CRYBG1: variants seen among roughly 807,000 people sequenced by gnomAD.
CRYBG1 encodes crystallin beta-gamma domain containing 1.
A neutral mutation model predicts 189.2 loss-of-function variants in CRYBG1; 139 were observed. That is an observed-to-expected ratio of 0.73 (90% CI 0.64 to 0.85). The LOEUF (loss-of-function observed/expected upper bound fraction) is 0.85, where lower values mean the gene tolerates loss of function less well. Among genes scored for constraint, CRYBG1 ranks in the 40% least tolerant of loss-of-function variants. CRYBG1 has a pLI of 0.00. For missense variants in CRYBG1, 2,611 were observed against 2,675.8 expected (o/e 0.98, Z 0.53); for synonymous variants, 1,023 against 1,017.1 (o/e 1.01, Z -0.11).
rs779999459 is a variant in CRYBG1 at position 106,512,381 on chromosome 6, AG to A, written c.1269del (p.Ser424ArgfsTer44). ...CAGCGGCCGTAGGTCGGGGAGGCGGAGGGGGTCGCAGAAATCCACCGACTCC... is the reference window on the plus strand; with the variant it reads ...CAGCGGCCGTAGGTCGGGGAGGCGGAGGGGTCGCAGAAATCCACCGACTCC... ...RSSGRRSGRR[R>X]GSQKSTDSPG... On this transcript the variant is annotated frameshift_variant, in exon 3 of 22. Transcript: ENST00000633556. LOFTEE classifies it high-confidence loss of function. The A allele has an allele frequency of 1.2e-6, 2 of 1,610,656 alleles. No homozygotes were observed. Among genetic ancestry groups the A allele is most frequent in the Admixed American group, 1.7e-5 (1 of 59,798 alleles).
At chr6:106,565,558 A>T (rs1774858943) in intron 21 of CRYBG1, among the ~76,000 whole-genome samples, 1 of 152,196 alleles carries the variant, frequency 6.6e-6, no homozygotes, top group Non-Finnish European at 1.5e-5. Flanking sequence ...GCTCAGAAGC[A>T]AACAATGCCT....
At chr6:106,422,340 A>ATTTTTTTTTTTTTTTTTTTT (rs747540246) in intron 1 of CRYBG1, among the ~76,000 whole-genome samples, 5 of 68,282 alleles carry the variant, frequency 7.3e-5, no homozygotes, top group African/African-American at 2.3e-4. Flanking sequence ...TTATTTATTT[A>ATTTTTTTTTTTTTTTTTTTT]TTTATTTTTG....
Position 106,563,886 on chromosome 6 carries a change from T to G in CRYBG1, c.6261T>G (p.Ile2087Met). ...QFWSLKSDGR[I>M]YSKLKPNLVL... The stretch of plus-strand genomic sequence containing the variant: ...GGAGCTTGAAGTCCGATGGCAGGAT[T>G]TACAGCAAGTTGAAGCCAAATTTAG... The change falls in exon 21 of 22, where the codon ATT becomes ATG. Residue 2087 changes from isoleucine (I) to methionine (M), a missense_variant. Ile to Met is a conservative substitution (Grantham distance 10). Transcript: ENST00000633556. The G allele has an allele frequency of 6.2e-7, 1 of 1,613,236 alleles. No individual in the cohort carries two copies. The highest frequency in any genetic ancestry group is 8.5e-7 in the Non-Finnish European group (1 of 1,179,208).
intron 2 of CRYBG1, among the ~76,000 whole-genome samples, chr6:106,493,768 C>T (rs964079415): frequency 1.3e-5 from 2 of 152,102 alleles, no homozygotes; most frequent in African/African-American, 4.8e-5. Flanking sequence ...CACATGGACA[C>T]GTGGTGGGGG....
Position 106,520,130 on chromosome 6 carries a change from C to T in CRYBG1, c.2922C>T (p.Val974=), listed in dbSNP as rs754653234. Residue 974 remains valine, a synonymous_variant, in exon 4 of 22, where the codon GTC becomes GTT. Transcript: ENST00000633556. ...VESTQDVSSQ[V]IPESSEVREV... ...GCACCCAGGATGTGAGCTCCCAGGT[C>T]ATCCCAGAGAGCTCTGAAGTTAGAG... is the stretch of plus-strand genomic sequence containing the variant. 6.2e-7 allele frequency: 1 copy of T among 1,614,138 alleles called. No individual in the cohort carries two copies. The highest frequency in any genetic ancestry group is 1.3e-5 in the African/African-American group (1 of 75,046).
At chr6:106,558,087 G>A (rs1298259417) in intron 17 of CRYBG1, among the ~76,000 whole-genome samples, 1 of 152,104 alleles carries the variant, frequency 6.6e-6, no homozygotes, top group East Asian at 1.9e-4. Context: ...TACACTAAGT[G>A]ACTAAACATC....
chr6:106,473,503 C>G (rs1455339268), intron 2 of CRYBG1, among the ~76,000 whole-genome samples: 1 of 152,066 alleles, frequency 6.6e-6, no homozygotes, highest in East Asian at 1.9e-4. Flanking sequence ...CTGAGAGGGC[C>G]TAGAAACAGT....
chr6:106,476,526 A>G (rs1772337778), intron 2 of CRYBG1, among the ~76,000 whole-genome samples: 1 of 152,234 alleles, frequency 6.6e-6, no homozygotes, highest in Admixed American at 6.5e-5. Flanking sequence ...CCTGGCAGCT[A>G]TGACACTAAG....
intron 1 of CRYBG1, among the ~76,000 whole-genome samples, chr6:106,431,405 A>G (rs1029258405): frequency 6.6e-6 from 1 of 152,162 alleles, no homozygotes; most frequent in Non-Finnish European, 1.5e-5. Context: ...CTTGAGAATG[A>G]TGTCTGAGTT....
chr6:106,462,293 C>T (rs926542738), intron 2 of CRYBG1, among the ~76,000 whole-genome samples: 1 of 152,188 alleles, frequency 6.6e-6, no homozygotes, highest in Non-Finnish European at 1.5e-5. Context: ...GCCTCAGCCT[C>T]CCGAGTAGCT....
At chr6:106,436,166 T>C (rs1320218926) in intron 1 of CRYBG1, among the ~76,000 whole-genome samples, 1 of 121,950 alleles carries the variant, frequency 8.2e-6, no homozygotes, top group African/African-American at 3.5e-5. Flanking sequence ...AGAATGAATG[T>C]CAATTTCGGA....
intron 3 of CRYBG1, among the ~76,000 whole-genome samples, chr6:106,516,175 G>A (rs986304320): frequency 6.6e-6 from 1 of 151,826 alleles, no homozygotes; most frequent in Non-Finnish European, 1.5e-5. Context: ...TATCCAGAAG[G>A]ATAAGTTGAC....
intron 3 of CRYBG1, among the ~76,000 whole-genome samples, chr6:106,516,203 GC>G (rs1326720851): frequency 2.0e-5 from 3 of 151,104 alleles, no homozygotes; most frequent in Non-Finnish European, 4.4e-5. Flanking sequence ...CAGTCATACT[GC>G]CTGTCCCTTC....
chr6:106,467,467 G>T (rs1214005841), intron 2 of CRYBG1, among the ~76,000 whole-genome samples: 1 of 151,922 alleles, frequency 6.6e-6, no homozygotes, highest in Non-Finnish European at 1.5e-5. Flanking sequence ...GTAAGACCCT[G>T]TCTCAAAGAA....
intron 1 of CRYBG1, among the ~76,000 whole-genome samples, chr6:106,391,282 A>AG (rs1770496637): frequency 3.3e-5 from 5 of 152,144 alleles, no homozygotes; most frequent in African/African-American, 1.2e-4. Context: ...GGGTTTCACC[A>AG]TGTTGGCCAG....
intron 2 of CRYBG1, among the ~76,000 whole-genome samples, chr6:106,498,959 A>T (rs1165885621): frequency 1.3e-5 from 2 of 152,148 alleles, no homozygotes; most frequent in Non-Finnish European, 2.9e-5. Context: ...ATACAAAATG[A>T]TACTGTGTAA....
intron 21 of CRYBG1, 68 bp downstream of exon 21, chr6:106,563,994 C>A: frequency 6.8e-7 from 1 of 1,477,446 alleles, no homozygotes. Context: ...AAAATCTATT[C>A]ATAACTTTTG....
intron 1 of CRYBG1, among the ~76,000 whole-genome samples, chr6:106,404,014 A>T (rs939122786): frequency 6.6e-6 from 1 of 152,276 alleles, no homozygotes; most frequent in African/African-American, 2.4e-5. Context: ...AAACTTGCTC[A>T]GAGGACATGG....
chr6:106,566,464 CTTTTTTTTTTTTTTT>C lies in CRYBG1; in HGVS notation c.6302-1997_6302-1983del, dbSNP rs34773477. 3.5e-4 allele frequency among the ~76,000 whole-genome samples: 25 copies of C among 71,676 alleles called. No individual in the cohort carries two copies. In the South Asian group the frequency reaches 0.013, roughly 36 times the overall value. The allele number at this position is 71,676 out of a possible 152,430, so 47.0% of individuals were successfully genotyped here. ...TATCTAGCACGGTAGCAACAACAGT[CTTTTTTTTTTTTTTT>C]TTTTTTTTTTGAGACGGAGTCTCAC... On this transcript the variant is annotated intron_variant, in intron 21 of 21. Coordinates refer to ENST00000633556, the MANE Select transcript of CRYBG1 (RefSeq NM_001371242.2).
Sources: gnomAD v4.1 joint callset for allele counts (sites outside exome capture counted in the v4.1 genomes callset) on GRCh38, gnomAD v4.1.1 for gene constraint, MANE v1.5 for transcripts, NCBI Gene and HGNC (gene_info 2026-07-23, HGNC 2026-07-21) for gene names.